The following WDTC1 variants were observed in gnomAD, a reference collection of about 807,000 sequenced individuals.
WDTC1 encodes WD and tetratricopeptide repeats 1.
In WDTC1, 12 loss-of-function variants were observed where a neutral mutation model predicts 76.0. That is an observed-to-expected ratio of 0.16 (90% CI 0.10 to 0.26). The LOEUF (loss-of-function observed/expected upper bound fraction) is 0.26. Ranked by LOEUF, WDTC1 falls within the 10% of genes least tolerant of loss-of-function variation. WDTC1 has a pLI of 1.00. For missense variants in WDTC1, 511 were observed against 908.8 expected (o/e 0.56, Z 5.63); for synonymous variants, 326 against 350.8 (o/e 0.93, Z 0.79).
intron 6 of WDTC1, among the ~76,000 whole-genome samples, chr1:27,290,891 G>T (rs995549376): frequency 6.6e-6 from 1 of 152,172 alleles, no homozygotes; most frequent in African/African-American, 2.4e-5. Flanking sequence ...CCTAGCAATC[G>T]CACTCAGTAT....
At chr1:27,263,346 T>C (rs961777135) in intron 3 of WDTC1, 111 bp downstream of exon 3, 22 of 934,716 alleles carry the variant, frequency 2.4e-5, no homozygotes, top group South Asian at 7.2e-5. Context: ...CTGCAGGCCA[T>C]ATCTGACAGT....
chr1:27,305,942 T>G lies in WDTC1; in HGVS notation c.1837-244T>G, dbSNP rs2013943598. 6.6e-6 allele frequency among the ~76,000 whole-genome samples: 1 copy of G among 152,044 alleles called. No homozygotes were observed. The highest frequency in any genetic ancestry group is 1.5e-5 in the Non-Finnish European group (1 of 68,000). On this transcript the variant is annotated intron_variant, in intron 15 of 15. Transcript: ENST00000319394. This position sits in a 1 kb window ranked among gnomAD's most constrained non-coding sequence, Gnocchi z 4.6. ...ACTGTCCCCCACGTATATCCCAGCA[T>G]GTTATGACCTGCCTGTATATCCTGA...
At chr1:27,238,608 C>T (rs2011543107) in intron 1 of WDTC1, among the ~76,000 whole-genome samples, 1 of 151,990 alleles carries the variant, frequency 6.6e-6, no homozygotes, top group Non-Finnish European at 1.5e-5. Context: ...CTTCATCTTC[C>T]AGGCTGGAGT....
At chr1:27,293,545 G>A (rs998338173) in intron 7 of WDTC1, among the ~76,000 whole-genome samples, 2 of 149,172 alleles carry the variant, frequency 1.3e-5, no homozygotes, top group African/African-American at 5.0e-5. Flanking sequence ...CTCTTATAGT[G>A]TCTTTCTTAA....
At chr1:27,283,470 A>G (rs1557498332) in intron 5 of WDTC1, 21 bp downstream of exon 5, 12 of 1,608,340 alleles carry the variant, frequency 7.5e-6, no homozygotes, top group Non-Finnish European at 9.3e-6. Context: ...CAAGCCACAG[A>G]GCAAGCACAA....
At chr1:27,275,698 T>G (rs955640456) in intron 3 of WDTC1, among the ~76,000 whole-genome samples, 12 of 152,184 alleles carry the variant, frequency 7.9e-5, no homozygotes, top group African/African-American at 2.9e-4. Context: ...GACTGTCCTT[T>G]AAATCCAGAT....
chr1:27,271,853 T>A (rs1570961225), intron 3 of WDTC1, among the ~76,000 whole-genome samples: 1 of 149,536 alleles, frequency 6.7e-6, no homozygotes, highest in Non-Finnish European at 1.5e-5. Context: ...GTCAGGCTGG[T>A]CTCGAACTCC....
intron 1 of WDTC1, among the ~76,000 whole-genome samples, chr1:27,248,959 A>G (rs916126747): frequency 6.6e-6 from 1 of 152,082 alleles, no homozygotes; most frequent in Non-Finnish European, 1.5e-5. Context: ...ACCCAGCCTT[A>G]AATTTTTTAA....
At chr1:27,239,928 T>C (rs1223069033) in intron 1 of WDTC1, among the ~76,000 whole-genome samples, 2 of 151,804 alleles carry the variant, frequency 1.3e-5, no homozygotes, top group Non-Finnish European at 2.9e-5. Flanking sequence ...GTTTTGCTCT[T>C]ATTGCCCAGG....
At position 27,234,861 on chromosome 1, in the gene WDTC1, G is replaced by GC. The variant is rs1050862965; in HGVS notation, c.-184dup. On this transcript the variant is annotated 5_prime_UTR_variant, in exon 1 of 16. Coordinates refer to ENST00000319394, the MANE Select transcript of WDTC1 (RefSeq NM_001276252.2). ...CCCCAGCCCCCTCCCCGGGATCCGC[G>GC]CCCCCCTTCCCGGGAGAGGGGCCGC... is the stretch of plus-strand genomic sequence containing the variant. 2.0e-5 allele frequency: 8 copies of GC among 396,358 alleles called. No homozygotes were observed. Among genetic ancestry groups the GC allele is most frequent in the Admixed American group, 4.4e-5 (1 of 22,662 alleles). The allele number at this position is 396,358 out of a possible 1,614,324, so 24.6% of individuals were successfully genotyped here.
In WDTC1 at chr1:27,269,606, G is replaced by GTTT. The variant is rs56885576; in HGVS notation, c.132+6381_132+6383dup. 5.9e-4 allele frequency among the ~76,000 whole-genome samples: 70 copies of GTTT among 119,460 alleles called. 1 individual carries two copies. The highest frequency in any genetic ancestry group is 5.7e-3 in the East Asian group (21 of 3,670). 78.4% of individuals were successfully genotyped at this position (119,460 alleles called of 152,430 possible). ...ATGATCAGATTTTTTTTTGTTTTTTGTTTTTTTTTTTTCGGTTTTTTTTTT... is the reference window on the plus strand; with the variant it reads ...ATGATCAGATTTTTTTTTGTTTTTTGTTTTTTTTTTTTTTTCGGTTTTTTTTTT... On this transcript the variant is annotated intron_variant, in intron 3 of 15. Coordinates refer to ENST00000319394, the MANE Select transcript of WDTC1 (RefSeq NM_001276252.2).
intron 3 of WDTC1, among the ~76,000 whole-genome samples, chr1:27,272,186 T>A (rs1455641893): frequency 6.6e-6 from 1 of 151,658 alleles, no homozygotes; most frequent in Non-Finnish European, 1.5e-5. Context: ...GCAGAGGTTG[T>A]GGTGAGCTGA....
chr1:27,270,747 A>G (rs1057416451), intron 3 of WDTC1, among the ~76,000 whole-genome samples: 2 of 152,310 alleles, frequency 1.3e-5, no homozygotes, highest in East Asian at 1.9e-4. Context: ...GTAAGATCCT[A>G]TCTCAAAAAC....
At position 27,301,134 on chromosome 1, in the gene WDTC1, T is replaced by C; in HGVS notation, c.1233-92T>C. 3.6e-6 allele frequency: 4 copies of C among 1,109,374 alleles called. No individual in the cohort carries two copies. The highest frequency in any genetic ancestry group is 5.3e-6 in the Non-Finnish European group (4 of 756,438). The allele number at this position is 1,109,374 out of a possible 1,614,324, so 68.7% of individuals were successfully genotyped here. On this transcript the variant is annotated intron_variant, in intron 12 of 15. Transcript: ENST00000319394. The surrounding 1 kb of genome is among the most constrained non-coding windows in gnomAD (Gnocchi z 5.8). ...GCCATGAGATCTGTCAGTGGTGGGC[T>C]GGGGTGGCCACAGGAAGCAGAGGAG...
At chr1:27,275,444 C>G (rs2012993228) in intron 3 of WDTC1, among the ~76,000 whole-genome samples, 2 of 151,852 alleles carry the variant, frequency 1.3e-5, no homozygotes, top group South Asian at 4.2e-4. Flanking sequence ...ATGGTGAAAC[C>G]CCTTCTCTAC....
At position 27,297,135 on chromosome 1, in the gene WDTC1, C is replaced by T. The variant is rs770607762; in HGVS notation, c.1037C>T (p.Pro346Leu). ...LHLHSNGFRL[P>L]ESRGHVSPQV... ...CTTCATAGCAATGGCTTCCGGCTGC[C>T]GGAGAGTAGGGGACATGTCAGGTGA... The change falls in exon 11 of 16, where the codon CCG becomes CTG. Residue 346 changes from proline (P) to leucine (L), a missense_variant. By Grantham distance (98) the Pro-to-Leu change is moderately conservative. Transcript: ENST00000319394. 1.2e-5 allele frequency: 20 copies of T among 1,611,040 alleles called. No individual in the cohort carries two copies. The highest frequency in any genetic ancestry group is 2.2e-5 in the South Asian group (2 of 90,796).
At chr1:27,244,318 C>G (rs1478371131) in intron 1 of WDTC1, among the ~76,000 whole-genome samples, 3 of 151,916 alleles carry the variant, frequency 2.0e-5, no homozygotes, top group Admixed American at 1.3e-4. Context: ...TTTTATTATG[C>G]TCTTTCTTTC....
At chr1:27,236,769 C>T (rs1420271821) in intron 1 of WDTC1, among the ~76,000 whole-genome samples, 2 of 152,104 alleles carry the variant, frequency 1.3e-5, no homozygotes, top group Non-Finnish European at 2.9e-5. Context: ...GGGCCAACTG[C>T]TAAGGAAGAT....
chr1:27,277,449 T>A (rs1226460946), intron 3 of WDTC1, among the ~76,000 whole-genome samples: 2 of 152,204 alleles, frequency 1.3e-5, no homozygotes, highest in African/African-American at 4.8e-5. Context: ...TCTTTCCTTC[T>A]ACTTAATTGC....
Sources: gnomAD v4.1 joint callset for allele counts (sites outside exome capture counted in the v4.1 genomes callset) on GRCh38, gnomAD v4.1.1 for gene constraint, Gnocchi (gnomAD v3.1) non-coding constraint, MANE v1.5 for transcripts, NCBI Gene and HGNC (gene_info 2026-07-23, HGNC 2026-07-21) for gene names.